MAGI3: variants seen among roughly 807,000 people sequenced by gnomAD.
MAGI3 encodes the protein membrane-associated guanylate kinase, WW and PDZ domain-containing protein 3.
A neutral mutation model predicts 121.8 loss-of-function variants in MAGI3; 43 were observed. That is an observed-to-expected ratio of 0.35 (90% confidence interval 0.28 to 0.46). MAGI3 has a LOEUF of 0.46. MAGI3 is among the 20% of genes least tolerant of loss of function. The pLI, the probability that MAGI3 is intolerant of heterozygous loss-of-function variation, is 1.00. For missense variants in MAGI3, 1,547 were observed against 1,797.3 expected (o/e 0.86, Z 2.52); for synonymous variants, 553 against 639.3 (o/e 0.86, Z 2.04).
At chr1:113,565,941 AT>A (rs1348977061) in intron 2 of MAGI3, among the ~76,000 whole-genome samples, 2 of 152,148 alleles carry the variant, frequency 1.3e-5, no homozygotes, top group Non-Finnish European at 2.9e-5. Context: ...TTCATTTGAT[AT>A]CAGCTGATTT....
At chr1:113,666,803 A>G (rs751213490) in intron 16 of MAGI3, among the ~76,000 whole-genome samples, 43 of 152,242 alleles carry the variant, frequency 2.8e-4, no homozygotes, top group Non-Finnish European at 5.1e-4. Flanking sequence ...TTAAAATACT[A>G]AGACTTGAAA....
At chr1:113,426,995 CT>C (rs1269366226) in intron 1 of MAGI3, among the ~76,000 whole-genome samples, 9 of 152,104 alleles carry the variant, frequency 5.9e-5, no homozygotes, top group Admixed American at 5.9e-4. Context: ...TCTCTCCCCC[CT>C]CTCTTTATAT....
At chr1:113,636,873 G>T (rs1652064072) in intron 9 of MAGI3, among the ~76,000 whole-genome samples, 2 of 152,104 alleles carry the variant, frequency 1.3e-5, no homozygotes, top group African/African-American at 2.4e-5. Context: ...AAATCTCTTT[G>T]TAGGTCACTC....
chr1:113,537,263 A>G (rs980961529), intron 1 of MAGI3, among the ~76,000 whole-genome samples: 1 of 152,136 alleles, frequency 6.6e-6, no homozygotes, highest in Admixed American at 6.5e-5. Context: ...GCTCCTAGGC[A>G]TTGGGAATTT....
chr1:113,471,870 T>C (rs1220812182), intron 1 of MAGI3, among the ~76,000 whole-genome samples: 1 of 152,230 alleles, frequency 6.6e-6, no homozygotes, highest in African/African-American at 2.4e-5. Context: ...TATTATGCAC[T>C]TCATGACTAT....
chr1:113,393,832 T>C (rs1650952490), intron 1 of MAGI3, among the ~76,000 whole-genome samples: 2 of 152,216 alleles, frequency 1.3e-5, no homozygotes, highest in South Asian at 4.1e-4. Context: ...CAGAAATTGA[T>C]TTTTCAATTT....
intron 5 of MAGI3, among the ~76,000 whole-genome samples, 172 bp downstream of exon 5, chr1:113,590,830 A>G (rs1648655078): frequency 6.6e-6 from 1 of 152,060 alleles, no homozygotes; most frequent in South Asian, 2.1e-4. Context: ...ATTTAATCTG[A>G]CACTTCATTT....
intron 6 of MAGI3, among the ~76,000 whole-genome samples, chr1:113,605,901 T>A (rs1259657263): frequency 6.7e-6 from 1 of 149,298 alleles, no homozygotes; most frequent in African/African-American, 2.5e-5. Flanking sequence ...CCCAGCCAGA[T>A]TTTTTTTTTA....
intron 9 of MAGI3, among the ~76,000 whole-genome samples, chr1:113,639,646 C>T (rs911595063): frequency 1.9e-4 from 29 of 152,156 alleles, no homozygotes; most frequent in African/African-American, 6.8e-4. Context: ...CGGCTTACTG[C>T]AACCTCTGCC....
At chr1:113,438,629 G>C (rs1030423533) in intron 1 of MAGI3, among the ~76,000 whole-genome samples, 2 of 152,210 alleles carry the variant, frequency 1.3e-5, no homozygotes, top group African/African-American at 4.8e-5. Context: ...GGAAGGCAAA[G>C]GGGGAGCAGG....
intron 1 of MAGI3, among the ~76,000 whole-genome samples, chr1:113,447,591 C>T (rs955656673): frequency 2.6e-5 from 4 of 152,148 alleles, no homozygotes; most frequent in South Asian, 2.1e-4. Context: ...CGGTGGCTCA[C>T]GCCTATAATC....
At chr1:113,533,785 C>CT (rs77624151) in intron 1 of MAGI3, among the ~76,000 whole-genome samples, 29,747 of 135,168 alleles carry the variant, frequency 0.22, 3,403 homozygotes, top group Non-Finnish European at 0.27. Flanking sequence ...TTTTCTTTTT[C>CT]TTTTTTTTTT....
At chr1:113,424,887 A>C (rs1348663875) in intron 1 of MAGI3, among the ~76,000 whole-genome samples, 2 of 152,104 alleles carry the variant, frequency 1.3e-5, no homozygotes, top group Admixed American at 1.3e-4. Flanking sequence ...TAATCCCAGC[A>C]CTTTGGGGGG....
chr1:113,576,582 A>T (rs192087688), intron 2 of MAGI3, among the ~76,000 whole-genome samples: 111 of 152,362 alleles, frequency 7.3e-4, no homozygotes, highest in African/African-American at 2.5e-3. Context: ...TGGGAGCTGC[A>T]GACCAGAGCT....
At chr1:113,638,961 C>T (rs1230700477) in intron 9 of MAGI3, among the ~76,000 whole-genome samples, 3 of 152,186 alleles carry the variant, frequency 2.0e-5, no homozygotes, top group East Asian at 3.8e-4. Flanking sequence ...CCCAGCCTCA[C>T]TGCCGCCTTG....
intron 9 of MAGI3, among the ~76,000 whole-genome samples, chr1:113,641,070 ATAAT>A (rs1371238278): frequency 8.2e-6 from 1 of 122,032 alleles, no homozygotes; most frequent in African/African-American, 3.1e-5. Context: ...TATGATATAT[ATAAT>A]ATATATGAGA....
chr1:113,618,160 C>G (rs892633032), intron 7 of MAGI3, among the ~76,000 whole-genome samples: 1 of 86,538 alleles, frequency 1.2e-5, no homozygotes, highest in African/African-American at 4.4e-5. Flanking sequence ...AAGACCCCAT[C>G]TCTACAAAAA....
intron 1 of MAGI3, among the ~76,000 whole-genome samples, chr1:113,475,058 G>T (rs1249890470): frequency 1.3e-5 from 2 of 152,178 alleles, no homozygotes; most frequent in Non-Finnish European, 2.9e-5. Context: ...TGATGTATAG[G>T]AATGCTTGTG....
intron 9 of MAGI3, among the ~76,000 whole-genome samples, chr1:113,627,532 G>T (rs1288645563): frequency 6.7e-6 from 1 of 149,876 alleles, no homozygotes; most frequent in Non-Finnish European, 1.5e-5. Context: ...GAAGTCTCCT[G>T]CTATTATTGT....
Sources: allele counts gnomAD v4.1 joint callset (sites outside exome capture counted in the v4.1 genomes callset), GRCh38; gene constraint gnomAD v4.1.1; transcripts MANE v1.5; gene names NCBI Gene and HGNC (gene_info 2026-07-23, HGNC 2026-07-21).